The following GPHN variants were observed in gnomAD, a reference collection of about 807,000 sequenced individuals.
GPHN encodes the protein gephyrin.
GPHN carries 17 observed loss-of-function variants against 95.5 expected under a neutral mutation model. The ratio of observed to expected loss-of-function variants is 0.18; its 90% confidence interval spans 0.12 to 0.27. GPHN has a LOEUF of 0.27. GPHN is among the 10% of genes least tolerant of loss of function. The pLI, the probability that GPHN is intolerant of heterozygous loss-of-function variation, is 1.00. For synonymous variants in GPHN, 320 were observed against 322.5 expected, an observed-to-expected ratio of 0.99 and a Z score of 0.08; for missense variants, 660 against 978.1, an observed-to-expected ratio of 0.67 and a Z score of 4.34.
chr14:66,563,831 A>G (rs1226694042), intron 1 of GPHN, among the ~76,000 whole-genome samples: 1 of 152,040 alleles, frequency 6.6e-6, no homozygotes, highest in Non-Finnish European at 1.5e-5. Flanking sequence ...CTGGATGCTT[A>G]TCATTCTCTT....
At chr14:66,960,032 T>C (rs986958267) in intron 8 of GPHN, among the ~76,000 whole-genome samples, 14 of 152,088 alleles carry the variant, frequency 9.2e-5, no homozygotes, top group African/African-American at 3.1e-4. Flanking sequence ...CACTAGTGAA[T>C]TTTTCATTTC....
chr14:67,575,466 G>A, the GPHN span: 2 of 1,597,820 alleles, frequency 1.3e-6, no homozygotes, highest in Non-Finnish European at 1.7e-6. Flanking sequence ...GGAGCCATGA[G>A]GACAAGGTAC....
At chr14:67,574,946 C>T in the GPHN span, among the ~76,000 whole-genome samples, 2 of 152,202 alleles carry the variant, frequency 1.3e-5, no homozygotes, top group Non-Finnish European at 2.9e-5. The surrounding 1 kb of genome is among the most constrained non-coding windows in gnomAD (Gnocchi z 4.2). Flanking sequence ...CTGGCAGGCT[C>T]GCTGTGTGGC....
chr14:66,950,043 TC>T (rs1426182545), intron 8 of GPHN, among the ~76,000 whole-genome samples: 1 of 149,394 alleles, frequency 6.7e-6, no homozygotes, highest in African/African-American at 2.5e-5. Flanking sequence ...TCAGCACAGT[TC>T]CTAGGAAAAT....
chr14:67,279,235 A>T, the GPHN span: 1 of 1,613,044 alleles, frequency 6.2e-7, no homozygotes, highest in Admixed American at 1.7e-5. Flanking sequence ...AAAAATGTTG[A>T]TCTTGCATCA....
At chr14:67,626,991 A>G in the GPHN span, among the ~76,000 whole-genome samples, 1 of 152,142 alleles carries the variant, frequency 6.6e-6, no homozygotes, top group Non-Finnish European at 1.5e-5. Flanking sequence ...ATATGATTCC[A>G]TTTATATGAA....
chr14:67,111,142 T>C (rs2078345646), intron 14 of GPHN, among the ~76,000 whole-genome samples: 1 of 152,218 alleles, frequency 6.6e-6, no homozygotes, highest in African/African-American at 2.4e-5. Context: ...GATCTGGAGA[T>C]TTTCTTTTTA....
intron 1 of GPHN, among the ~76,000 whole-genome samples, chr14:66,641,033 G>A (rs1468813578): frequency 6.6e-6 from 1 of 152,140 alleles, no homozygotes; most frequent in Non-Finnish European, 1.5e-5. Flanking sequence ...TAAATGGGAG[G>A]ATGAAGCTAA....
At chr14:66,866,728 C>G (rs931568912) in intron 4 of GPHN, among the ~76,000 whole-genome samples, 1 of 152,072 alleles carries the variant, frequency 6.6e-6, no homozygotes, top group Non-Finnish European at 1.5e-5. Context: ...AGCCAAACAA[C>G]CAGTTTTTAC....
At chr14:66,858,387 C>T (rs1267080745) in intron 4 of GPHN, among the ~76,000 whole-genome samples, 1 of 151,888 alleles carries the variant, frequency 6.6e-6, no homozygotes, top group Non-Finnish European at 1.5e-5. Context: ...GGCCTTAGCT[C>T]CCGGACAACA....
intron 1 of GPHN, among the ~76,000 whole-genome samples, chr14:66,519,251 T>C (rs1333294903): frequency 1.3e-5 from 2 of 151,986 alleles, no homozygotes; most frequent in Non-Finnish European, 2.9e-5. Flanking sequence ...AAAGGTAAAA[T>C]GCGAAATTAA....
chr14:67,116,480 C>A (rs1010905069), intron 16 of GPHN, among the ~76,000 whole-genome samples: 2 of 151,970 alleles, frequency 1.3e-5, no homozygotes, highest in African/African-American at 4.8e-5. Flanking sequence ...TTCATGTAAC[C>A]AGATACCACC....
chr14:66,780,354 A>G (rs2059561418), intron 3 of GPHN, among the ~76,000 whole-genome samples: 1 of 152,184 alleles, frequency 6.6e-6, no homozygotes, highest in Admixed American at 6.6e-5. Context: ...TAGTCAGTGA[A>G]TGGAATCTCA....
At chr14:66,954,963 C>A (rs867987975) in intron 8 of GPHN, among the ~76,000 whole-genome samples, 2 of 152,122 alleles carry the variant, frequency 1.3e-5, no homozygotes, top group Admixed American at 6.5e-5. Flanking sequence ...TGGAATAAAT[C>A]TCATTTGGTC....
the GPHN span, among the ~76,000 whole-genome samples, chr14:67,688,926 G>GTTGTTGTT: frequency 1.3e-5 from 2 of 152,146 alleles, no homozygotes; most frequent in African/African-American, 4.8e-5. Flanking sequence ...AACAACATGG[G>GTTGTTGTT]CACTGAATAC....
At chr14:66,833,564 TTA>T (rs2061666724) in intron 4 of GPHN, among the ~76,000 whole-genome samples, 1 of 152,104 alleles carries the variant, frequency 6.6e-6, no homozygotes, top group African/African-American at 2.4e-5. Flanking sequence ...CAGGACTTTC[TTA>T]GACTCTTTTT....
At chr14:67,398,265 GA>G in the GPHN span, among the ~76,000 whole-genome samples, 1 of 151,954 alleles carries the variant, frequency 6.6e-6, no homozygotes, top group African/African-American at 2.4e-5. Context: ...TCTCAAAAGA[GA>G]CAGGCTGGAG....
chr14:66,803,563 G>C (rs555087709), intron 3 of GPHN, among the ~76,000 whole-genome samples: 56 of 152,104 alleles, frequency 3.7e-4, no homozygotes, highest in African/African-American at 1.2e-3. Flanking sequence ...TTGAATTTGA[G>C]GAAATTCTTA....
chr14:66,822,252 C>A (rs1211006426), intron 3 of GPHN, among the ~76,000 whole-genome samples: 1 of 152,168 alleles, frequency 6.6e-6, no homozygotes, highest in East Asian at 1.9e-4. Context: ...GTCCAGCCAA[C>A]TGATTTTAAA....
Sources: gnomAD v4.1 joint callset for allele counts (sites outside exome capture counted in the v4.1 genomes callset) on GRCh38, gnomAD v4.1.1 for gene constraint, Gnocchi (gnomAD v3.1) non-coding constraint, MANE v1.5 for transcripts, NCBI Gene and HGNC (gene_info 2026-07-23, HGNC 2026-07-21) for gene names.